The following ANXA4 variants were observed in gnomAD, a reference collection of about 807,000 sequenced individuals.
ANXA4 encodes the protein annexin A4.
ANXA4 carries 39 observed loss-of-function variants against 49.8 expected under a neutral mutation model. That is an observed-to-expected ratio of 0.78 (90% confidence interval 0.61 to 1.02). ANXA4 has a LOEUF of 1.02. Among genes scored for constraint, ANXA4 ranks in the 50% least tolerant of loss-of-function variants. ANXA4 has a pLI of 0.00. For synonymous variants in ANXA4, 134 were observed against 152.5 expected (o/e 0.88, Z 0.89); for missense variants, 360 against 410.1 (o/e 0.88, Z 1.05).
Position 69,825,492 on chromosome 2 carries a change from G to A in ANXA4, c.943G>A (p.Val315Ile), listed in dbSNP as rs146778617. 6.2e-7 allele frequency: 1 copy of A among 1,609,448 alleles called. No individual in the cohort carries two copies. Among genetic ancestry groups the A allele is most frequent in the Non-Finnish European group, 8.5e-7 (1 of 1,178,402 alleles). Residue 315 changes from valine to isoleucine, a missense_variant, in exon 13 of 13, where the codon GTT (valine) becomes ATT (isoleucine). Coordinates refer to ENST00000394295, the MANE Select transcript of ANXA4 (RefSeq NM_001153.5). Reference sequence around the variant, plus strand: ...TGGAGACTACAGGAAAGTACTGCTTGTTCTCTGTGGAGGAGATGATTAAAA... The same window carrying A: ...TGGAGACTACAGGAAAGTACTGCTTATTCTCTGTGGAGGAGATGATTAAAA... ...TSGDYRKVLL[V>I]LCGGDD
At chr2:69,734,482 G>A (rs1670189391) in intron 3 of ANXA4, among the ~76,000 whole-genome samples, 1 of 152,198 alleles carries the variant, frequency 6.6e-6, no homozygotes, top group South Asian at 2.1e-4. Flanking sequence ...AAACAATGCT[G>A]TCTTGACGAT....
At chr2:69,794,938 A>G (rs1232209296) in intron 3 of ANXA4, among the ~76,000 whole-genome samples, 1 of 152,174 alleles carries the variant, frequency 6.6e-6, no homozygotes, top group East Asian at 1.9e-4. Flanking sequence ...GTAATGCCCA[A>G]GAATTTCCCT....
At chr2:69,745,526 TTTTTTTTA>T (rs1291352236) in intron 1 of ANXA4, among the ~76,000 whole-genome samples, 1 of 151,990 alleles carries the variant, frequency 6.6e-6, no homozygotes, top group African/African-American at 2.4e-5. Flanking sequence ...CTATGCTTTA[TTTTTTTTA>T]TTTTTTTATT....
In ANXA4 at chr2:69,794,507, A is replaced by ATG. The variant is rs1558506501; in HGVS notation, c.97+6367_97+6368insGT. On this transcript the variant is annotated intron_variant, in intron 3 of 12. Coordinates refer to ENST00000394295, the MANE Select transcript of ANXA4 (RefSeq NM_001153.5). ...ACTGAGGGCTGGTATGTTATGTTAT[A>ATG]TTATGTTATGTTATATTATGTTATG... Among the ~76,000 whole-genome samples, 186 of 79,998 alleles carry ATG rather than the reference A, an allele frequency of 2.3e-3. 2 individuals are homozygous for ATG. The highest frequency in any genetic ancestry group is 6.9e-3 in the Middle Eastern group (1 of 144). 52.5% of individuals were successfully genotyped at this position (79,998 alleles called of 152,430 possible).
At chr2:69,748,697 G>T in intron 1 of ANXA4, among the ~76,000 whole-genome samples, 1 of 147,174 alleles carries the variant, frequency 6.8e-6, no homozygotes, top group African/African-American at 2.5e-5. Context: ...GCAGATGCTT[G>T]TATACCCTAC....
chr2:69,723,679 T>C (rs919855769), intron 3 of ANXA4, among the ~76,000 whole-genome samples: 5 of 152,216 alleles, frequency 3.3e-5, no homozygotes, highest in Non-Finnish European at 7.3e-5. Context: ...CACACTACAG[T>C]CTTTTATGAC....
At chr2:69,765,711 C>T (rs1295268838) in intron 1 of ANXA4, among the ~76,000 whole-genome samples, 2 of 152,114 alleles carry the variant, frequency 1.3e-5, no homozygotes, top group African/African-American at 4.8e-5. Context: ...ATCTAAAACC[C>T]TAGTCTAAAA....
At chr2:69,646,726 G>A (rs997195000) in intron 1 of ANXA4, among the ~76,000 whole-genome samples, 2 of 152,144 alleles carry the variant, frequency 1.3e-5, no homozygotes, top group Admixed American at 1.3e-4. Flanking sequence ...TCTTCTAACT[G>A]CCACAAGGTT....
chr2:69,731,113 G>T (rs544383806), intron 3 of ANXA4, among the ~76,000 whole-genome samples: 1 of 152,166 alleles, frequency 6.6e-6, no homozygotes, highest in East Asian at 1.9e-4. Flanking sequence ...TGTCTACCAG[G>T]ATGCAGAAGG....
chr2:69,809,110 T>C (rs1168862923), intron 6 of ANXA4: 3 of 152,210 alleles, frequency 2.0e-5, no homozygotes, highest in Non-Finnish European at 4.4e-5. Context: ...AATTTGTGCA[T>C]GTGGGGGAAA....
intron 12 of ANXA4, among the ~76,000 whole-genome samples, chr2:69,822,676 T>C (rs1187201216): frequency 6.6e-6 from 1 of 152,048 alleles, no homozygotes; most frequent in Non-Finnish European, 1.5e-5. Context: ...CGGACAAATA[T>C]TGTATGATTC....
intron 3 of ANXA4, among the ~76,000 whole-genome samples, chr2:69,798,334 C>G (rs1673033632): frequency 6.6e-6 from 1 of 152,188 alleles, no homozygotes; most frequent in Admixed American, 6.5e-5. Context: ...TATAAAAATT[C>G]CTGCAGCATT....
intron 3 of ANXA4, among the ~76,000 whole-genome samples, chr2:69,732,219 C>T (rs1224693155): frequency 2.0e-5 from 3 of 151,238 alleles, no homozygotes; most frequent in South Asian, 2.1e-4. Flanking sequence ...CCTCGTGATC[C>T]GGCCGCCTCG....
chr2:69,752,878 C>G (rs1298331510), intron 1 of ANXA4, among the ~76,000 whole-genome samples: 2 of 152,236 alleles, frequency 1.3e-5, no homozygotes, highest in Non-Finnish European at 2.9e-5. Context: ...TAAACTCCCA[C>G]TCAACTCCAA....
chr2:69,752,813 A>G (rs987573973), intron 1 of ANXA4, among the ~76,000 whole-genome samples: 8 of 152,158 alleles, frequency 5.3e-5, no homozygotes, highest in Non-Finnish European at 1.0e-4. Context: ...CTGCCACAAA[A>G]ATGATCCAGT....
chr2:69,745,997 T>C (rs1670596245), intron 1 of ANXA4, among the ~76,000 whole-genome samples: 1 of 151,816 alleles, frequency 6.6e-6, no homozygotes, highest in African/African-American at 2.4e-5. Context: ...TCAAGGATAG[T>C]TCTTTTGTTT....
intron 2 of ANXA4, among the ~76,000 whole-genome samples, chr2:69,716,167 AAGAG>A (rs147799417): frequency 6.9e-6 from 1 of 145,712 alleles, no homozygotes; most frequent in Non-Finnish European, 1.5e-5. Context: ...ACATATGAGT[AAGAG>A]AGAGAGAGAG....
At chr2:69,652,286 G>T (rs569758641) in intron 1 of ANXA4, among the ~76,000 whole-genome samples, 1 of 152,178 alleles carries the variant, frequency 6.6e-6, no homozygotes, top group Non-Finnish European at 1.5e-5. Context: ...GATTACAGGC[G>T]TGAGCTACCA....
chr2:69,702,168 C>CCCG (rs923243673), intron 2 of ANXA4, among the ~76,000 whole-genome samples: 2 of 151,570 alleles, frequency 1.3e-5, no homozygotes, highest in Admixed American at 1.3e-4. Flanking sequence ...TGCGCCACCA[C>CCCG]CCATGGCTCA....
Sources: allele counts gnomAD v4.1 joint callset (sites outside exome capture counted in the v4.1 genomes callset), GRCh38; gene constraint gnomAD v4.1.1; transcripts MANE v1.5; gene names NCBI Gene and HGNC (gene_info 2026-07-23, HGNC 2026-07-21).